The following NKPD1 variants were observed in gnomAD, a reference collection of about 807,000 sequenced individuals.
NKPD1 encodes NTPase KAP family P-loop domain containing 1.
A neutral mutation model predicts 42.2 loss-of-function variants in NKPD1; 37 were observed. The ratio of observed to expected loss-of-function variants is 0.88; its 90% CI spans 0.67 to 1.15. The LOEUF (loss-of-function observed/expected upper bound fraction) is 1.15, where lower values mean the gene tolerates loss of function less well. Among genes scored for constraint, NKPD1 ranks in the 50% most tolerant of loss-of-function variants. The pLI is 0.00. For synonymous variants in NKPD1, 552 were observed against 536.5 expected, an observed-to-expected ratio of 1.03 and a Z score of -0.40; for missense variants, 1,113 against 1,174.6, an observed-to-expected ratio of 0.95 and a Z score of 0.77.
chr19:45,157,479 A>C (rs895967352), intron 3 of NKPD1, among the ~76,000 whole-genome samples: 1 of 146,606 alleles, frequency 6.8e-6, no homozygotes, highest in African/African-American at 2.5e-5. Context: ...CGGCACAATT[A>C]TAAGTCACTG....
Position 45,153,444 on chromosome 19 carries a change from C to G in NKPD1, c.993G>C (p.Gln331His). The change falls in exon 5 of 5, where the codon CAG becomes CAC. Residue 331 changes from glutamine to histidine, a missense_variant. Gln to His is a conservative substitution (Grantham distance 24, BLOSUM62 0). This residue lies in a region of NKPD1 where 867 missense variants were observed against 870.1 expected (regional missense o/e 1.00). Transcript: ENST00000686631. Reference protein sequence around the residue: ...NKPATRQDCCQSEWHCRRRVC... With the variant: ...NKPATRQDCCHSEWHCRRRVC... ...CGCGGCGCCGACAATGCCACTCGCT[C>G]TGGCAGCAGTCCTGCCTGGTGGCCG... 2 of 1,548,850 alleles carry G rather than the reference C, an allele frequency of 1.3e-6. No individual in the cohort carries two copies. Among genetic ancestry groups the G allele is most frequent in the South Asian group, 1.2e-5 (1 of 84,654 alleles).
rs1250274991 is a variant in NKPD1, at chr19:45,160,192, A to G, written c.-42T>C. On this transcript the variant is annotated 5_prime_UTR_variant, in exon 2 of 5. Transcript: ENST00000686631. ...GGTGCTGGGGGCCTGCTCCTGAGGC[A>G]GGAGGGAGCACACAGGCTTGGCGTA... 8.3e-7 allele frequency: 1 copy of G among 1,199,504 alleles called. No individual in the cohort carries two copies. The highest frequency in any genetic ancestry group is 1.1e-6 in the Non-Finnish European group (1 of 894,640). The allele number at this position is 1,199,504 out of a possible 1,614,324, so 74.3% of individuals were successfully genotyped here.
At chr19:45,161,773 G>A (rs1036235521), upstream of NKPD1, among the ~76,000 whole-genome samples, 2 of 152,216 alleles carry the variant, frequency 1.3e-5, no homozygotes, top group African/African-American at 4.8e-5. Flanking sequence ...AAGGCCCCTC[G>A]GCTCTCTGGG....
chr19:45,157,454 C>G lies in NKPD1; in HGVS notation c.529+1209G>C, dbSNP rs542748864. ...CGAGGCAAGGTCTTGCTCTGTCACC[C>G]AGGCTGGAGTGCAGCGGCACAATTA... On this transcript the variant is annotated intron_variant, in intron 3 of 4. Transcript: ENST00000686631. Among the ~76,000 whole-genome samples the G allele has an allele frequency of 5.9e-5, 9 of 152,352 alleles. No homozygotes were observed. The East Asian group carries it at 1.7e-3, about 29-fold the overall frequency.
chr19:45,160,241 G>A lies in NKPD1; in HGVS notation c.-71-20C>T. 1 of 737,040 alleles carries A rather than the reference G, an allele frequency of 1.4e-6. No homozygotes were observed. The highest frequency in any genetic ancestry group is 2.0e-6 in the Non-Finnish European group (1 of 493,450). The allele number at this position is 737,040 out of a possible 1,614,324, so 45.7% of individuals were successfully genotyped here. A position where few individuals can be genotyped will look rare whatever the true frequency, so the allele number is the denominator to read the frequency against. ...TAGCCTCTGGGGCACGAACAGCAGA[G>A]AGCTGAGGTCAGGGTCCCTGCCCTG... is the stretch of plus-strand genomic sequence containing the variant. On this transcript the variant is annotated intron_variant, in intron 1 of 4. Transcript: ENST00000686631.
intron 3 of NKPD1, among the ~76,000 whole-genome samples, chr19:45,156,206 A>T (rs1968900397): frequency 6.6e-6 from 1 of 152,192 alleles, no homozygotes; most frequent in Non-Finnish European, 1.5e-5. Context: ...CTAGGTCACC[A>T]GGCTTGCTTG....
In NKPD1 at chr19:45,152,675, G is replaced by A; in HGVS notation, c.1762C>T (p.Arg588Cys). 1 of 1,539,988 alleles carries A rather than the reference G, an allele frequency of 6.5e-7. No homozygotes were observed. The highest frequency in any genetic ancestry group is 1.4e-5 in the African/African-American group (1 of 71,426). Residue 588 changes from arginine (R) to cysteine (C), a missense_variant, in exon 5 of 5, where the codon CGC (arginine) becomes TGC (cysteine). Physicochemically the swap from Arg to Cys is radical, Grantham distance 180. Coordinates refer to ENST00000686631, the MANE Select transcript of NKPD1 (RefSeq NM_198478.4). The stretch of plus-strand genomic sequence containing the variant: ...CGCCGCGCCGCCTCGTCGTCGATGC[G>A]GCCCTGCCCGCGCTCCGTCCCCGCC... ...AQAGTERGQG[R>C]IDDEAARRIQ...
In NKPD1 at chr19:45,151,867, T is replaced by G; in HGVS notation, c.*71A>C. ...TTCGGACCCTGGGTTGCGGCCCCAG[T>G]CCAGCCCCCTATTCTCCCATCTGGG... On this transcript the variant is annotated 3_prime_UTR_variant, in exon 5 of 5. Coordinates refer to ENST00000686631, the MANE Select transcript of NKPD1 (RefSeq NM_198478.4). 1 of 1,432,010 alleles carries G rather than the reference T, an allele frequency of 7.0e-7. No individual in the cohort carries two copies. The highest frequency in any genetic ancestry group is 9.2e-7 in the Non-Finnish European group (1 of 1,081,378). 88.7% of individuals were successfully genotyped at this position (1,432,010 alleles called of 1,614,324 possible). A position where few individuals can be genotyped will look rare whatever the true frequency, so the allele number is the denominator to read the frequency against.
At chr19:45,162,160 G>C (rs1225233476), upstream of NKPD1, among the ~76,000 whole-genome samples, 1 of 152,082 alleles carries the variant, frequency 6.6e-6, no homozygotes, top group Non-Finnish European at 1.5e-5. Context: ...AGCCGTCTCC[G>C]CAGGACGAGA....
intron 4 of NKPD1, among the ~76,000 whole-genome samples, chr19:45,155,007 A>G (rs1292810959): frequency 2.2e-5 from 3 of 135,326 alleles, no homozygotes; most frequent in East Asian, 2.2e-4. Flanking sequence ...CCTGGGCGAC[A>G]GAGTGAGACT....
rs1037553866 is a variant in NKPD1, at chr19:45,158,496, G to A, written c.529+167C>T. ...CTTGGACCCCAACAGGCAAAGCTGA[G>A]GCAGCCAGCCTGAGCCCCATGGCCA... On this transcript the variant is annotated intron_variant, in intron 3 of 4. Transcript: ENST00000686631. The surrounding 1 kb of genome is among the most constrained non-coding windows in gnomAD (Gnocchi z 4.6). Among the ~76,000 whole-genome samples, 1 of 152,274 alleles carries A rather than the reference G, an allele frequency of 6.6e-6. No individual in the cohort carries two copies. Among genetic ancestry groups the A allele is most frequent in the Admixed American group, 6.5e-5 (1 of 15,290 alleles).
chr19:45,160,174 G>GCAGCA lies in NKPD1; in HGVS notation c.-25_-24insTGCTG. The GCAGCA allele has an allele frequency of 7.8e-7, 1 of 1,288,624 alleles. No homozygotes were observed. The highest frequency in any genetic ancestry group is 1.0e-6 in the Non-Finnish European group (1 of 974,638). The allele number at this position is 1,288,624 out of a possible 1,614,324, so 79.8% of individuals were successfully genotyped here. A position where few individuals can be genotyped will look rare whatever the true frequency, so the allele number is the denominator to read the frequency against. ...ATGGCAGCCGGGCAGCTGGGTGCTGGGGGCCTGCTCCTGAGGCAGGAGGGA... is the reference window on the plus strand; with the variant it reads ...ATGGCAGCCGGGCAGCTGGGTGCTGGCAGCAGGGCCTGCTCCTGAGGCAGGAGGGA... On this transcript the variant is annotated 5_prime_UTR_variant, in exon 2 of 5. Transcript: ENST00000686631.
chr19:45,158,527 G>A lies in NKPD1; in HGVS notation c.529+136C>T, dbSNP rs527244043. ...CAGCCTGAGCCCCATGGCCAGGGAC[G>A]CACCCCTCCTAGATAGGGAACAGGG... On this transcript the variant is annotated intron_variant, in intron 3 of 4. Transcript: ENST00000686631. This position sits in a 1 kb window ranked among gnomAD's most constrained non-coding sequence, Gnocchi z 4.6. 1.1e-5 allele frequency: 11 copies of A among 998,276 alleles called. No homozygotes were observed. Among genetic ancestry groups the A allele is most frequent in the East Asian group, 1.1e-4 (1 of 9,042 alleles). The allele number at this position is 998,276 out of a possible 1,614,324, so 61.8% of individuals were successfully genotyped here. A position where few individuals can be genotyped will look rare whatever the true frequency, so the allele number is the denominator to read the frequency against.
upstream of NKPD1, among the ~76,000 whole-genome samples, chr19:45,161,396 C>T (rs922108014): frequency 1.3e-5 from 2 of 152,196 alleles, no homozygotes; most frequent in Non-Finnish European, 2.9e-5. Context: ...CAGGGCCTGG[C>T]GCACCTGACC....
chr19:45,152,622 G>C lies in NKPD1; in HGVS notation c.1815C>G (p.His605Gln), dbSNP rs746153314. 4 of 1,574,810 alleles carry C rather than the reference G, an allele frequency of 2.5e-6. No homozygotes were observed. The highest frequency in any genetic ancestry group is 8.5e-7 in the Non-Finnish European group (1 of 1,170,536). Reference sequence around the variant, plus strand: ...ACTCGTAGAGGCAGTCGCGCTCGTCGTGAAGGCAGAAGAGCGCCTCCTGGA... The same window carrying C: ...ACTCGTAGAGGCAGTCGCGCTCGTCCTGAAGGCAGAAGAGCGCCTCCTGGA... ...RRIQEALFCL[H>Q]DERDCLYEYV... is the part of the protein sequence containing the mutation. Residue 605 changes from histidine to glutamine, a missense_variant, in exon 5 of 5, where the codon CAC becomes CAG. Around this residue, in one of 3 missense-constraint regions of NKPD1, gnomAD observed 867 missense variants for 870.1 expected, o/e 1.00. Coordinates refer to ENST00000686631, the MANE Select transcript of NKPD1 (RefSeq NM_198478.4).
Position 45,153,533 on chromosome 19 carries a change from C to T in NKPD1, c.904G>A (p.Glu302Lys). The change falls in exon 5 of 5, where the codon GAG (glutamate) becomes AAG (lysine). Residue 302 changes from glutamate to lysine, a missense_variant. Physicochemically the swap from Glu to Lys is moderately conservative, Grantham distance 56 (BLOSUM62 1). Around this residue, in one of 3 missense-constraint regions of NKPD1, gnomAD observed 867 missense variants for 870.1 expected, o/e 1.00. Coordinates refer to ENST00000686631, the MANE Select transcript of NKPD1 (RefSeq NM_198478.4). ...GCGCCATAGTGGCGGCGGATGCCCTCGCACAACGTGGTCACCAGGCCGGCC... is the reference window on the plus strand; with the variant it reads ...GCGCCATAGTGGCGGCGGATGCCCTTGCACAACGTGGTCACCAGGCCGGCC... ...LWAGLVTTLC[E>K]GIRRHYGALP... 1.3e-6 allele frequency: 2 copies of T among 1,550,392 alleles called. No homozygotes were observed. Among genetic ancestry groups the T allele is most frequent in the Non-Finnish European group, 1.7e-6 (2 of 1,146,586 alleles).
At position 45,150,445 on chromosome 19, in the gene NKPD1, A is replaced by G. The variant is rs570728946; in HGVS notation, c.*1493T>C. On this transcript the variant is annotated 3_prime_UTR_variant, in exon 5 of 5. Coordinates refer to ENST00000686631, the MANE Select transcript of NKPD1 (RefSeq NM_198478.4). ...ATTTTCAGCTTGGATTCCAGGTGGT[A>G]AGAAACAAACCCAACTGAAACTGGC... is the stretch of plus-strand genomic sequence containing the variant. 6.6e-6 allele frequency: 1 copy of G among 152,314 alleles called. No individual in the cohort carries two copies. Among genetic ancestry groups the G allele is most frequent in the South Asian group, 2.1e-4 (1 of 4,826 alleles). The allele number at this position is 152,314 out of a possible 1,614,324, so 9.4% of individuals were successfully genotyped here. A position where few individuals can be genotyped will look rare whatever the true frequency, so the allele number is the denominator to read the frequency against.
chr19:45,158,859 A>G lies in NKPD1; in HGVS notation c.333T>C (p.Pro111=). The G allele has an allele frequency of 7.8e-7, 1 of 1,282,556 alleles. No homozygotes were observed. The highest frequency in any genetic ancestry group is 1.0e-6 in the Non-Finnish European group (1 of 978,362). The allele number at this position is 1,282,556 out of a possible 1,614,324, so 79.4% of individuals were successfully genotyped here. The change falls in exon 3 of 5, where the codon CCT becomes CCC. Residue 111 remains proline, a synonymous_variant. Transcript: ENST00000686631. This position sits in a 1 kb window ranked among gnomAD's most constrained non-coding sequence, Gnocchi z 4.6. The part of the protein sequence containing the change: ...CPIHEAQKGL[P]ATSTVPKEPA... ...GTTCCTTGGGGACAGTGGAGGTTGCAGGCAGCCCCTTCTGGGCTTCGTGAA... is the reference window on the plus strand; with the variant it reads ...GTTCCTTGGGGACAGTGGAGGTTGCGGGCAGCCCCTTCTGGGCTTCGTGAA...
rs1402147546 is a variant in NKPD1, at chr19:45,152,146, T to C, written c.2291A>G (p.Lys764Arg). ...MGLIRAVSALKPPSPPKSPTR... is the reference protein window; with the variant it reads ...MGLIRAVSALRPPSPPKSPTR... The stretch of plus-strand genomic sequence containing the variant: ...AGGGGACTTGGGCGGGCTGGGCGGC[T>C]TGAGCGCGCTGACGGCTCGGATGAG... Residue 764 changes from lysine to arginine, a missense_variant, in exon 5 of 5, where the codon AAG becomes AGG. Physicochemically the swap from Lys to Arg is conservative, Grantham distance 26. This residue lies in a region of NKPD1 where 867 missense variants were observed against 870.1 expected (regional missense o/e 1.00). Coordinates refer to ENST00000686631, the MANE Select transcript of NKPD1 (RefSeq NM_198478.4). 3 of 1,599,638 alleles carry C rather than the reference T, an allele frequency of 1.9e-6. No homozygotes were observed.
Sources: gnomAD v4.1 joint callset for allele counts (sites outside exome capture counted in the v4.1 genomes callset) on GRCh38, gnomAD v4.1.1 for gene constraint, gnomAD v4.1.1 regional missense constraint, Gnocchi (gnomAD v3.1) non-coding constraint, MANE v1.5 for transcripts, NCBI Gene and HGNC (gene_info 2026-07-23, HGNC 2026-07-21) for gene names.